The following PPP2R5E variants were observed in gnomAD, a reference collection of about 807,000 sequenced individuals.
PPP2R5E encodes the protein serine/threonine-protein phosphatase 2A 56 kDa regulatory subunit epsilon isoform.
PPP2R5E carries 4 observed loss-of-function variants against 65.3 expected under a neutral mutation model. The observed-to-expected ratio is 0.06, with a 90% confidence interval of 0.03 to 0.14. The LOEUF (loss-of-function observed/expected upper bound fraction) is 0.14. PPP2R5E is among the 10% of genes least tolerant of loss of function. The probability of loss-of-function intolerance (pLI) is 1.00; values close to 1 mark genes in which losing one functional copy is unlikely to be tolerated. For missense variants in PPP2R5E, 274 were observed against 556.1 expected (o/e 0.49, Z 5.10); for synonymous variants, 183 against 187.4 (o/e 0.98, Z 0.19).
At chr14:63,424,138 T>C (rs1887197445) in intron 3 of PPP2R5E, among the ~76,000 whole-genome samples, 1 of 152,190 alleles carries the variant, frequency 6.6e-6, no homozygotes, top group Non-Finnish European at 1.5e-5. Context: ...AAAAAGGTAG[T>C]GCTTTGCTGC....
chr14:63,382,790 A>T (rs1342904610), intron 12 of PPP2R5E, among the ~76,000 whole-genome samples: 2 of 152,226 alleles, frequency 1.3e-5, no homozygotes, highest in Non-Finnish European at 2.9e-5. Flanking sequence ...ATAGTAAAGC[A>T]ATTTCACCCT....
chr14:63,472,330 C>T (rs1195324729), intron 2 of PPP2R5E, among the ~76,000 whole-genome samples: 1 of 151,998 alleles, frequency 6.6e-6, no homozygotes, highest in Non-Finnish European at 1.5e-5. Context: ...GACCCCTTTA[C>T]ATTAGTGTTA....
At chr14:63,406,310 C>CG (rs1555357291) in intron 5 of PPP2R5E, among the ~76,000 whole-genome samples, 1 of 151,136 alleles carries the variant, frequency 6.6e-6, no homozygotes, top group Non-Finnish European at 1.5e-5. Flanking sequence ...ATTCAGGAGA[C>CG]TGAGACAGAA....
intron 3 of PPP2R5E, among the ~76,000 whole-genome samples, chr14:63,446,256 C>G (rs1171246937): frequency 1.3e-5 from 2 of 152,174 alleles, no homozygotes; most frequent in Non-Finnish European, 2.9e-5. Context: ...AGTCGAAGCT[C>G]TCAAGGTCAT....
chr14:63,407,974 C>T (rs1886183838), intron 5 of PPP2R5E, among the ~76,000 whole-genome samples: 1 of 152,142 alleles, frequency 6.6e-6, no homozygotes, highest in Non-Finnish European at 1.5e-5. Context: ...TATAAATTAC[C>T]CAGTCTGAGG....
Position 63,384,590 on chromosome 14 carries a change from A to G in PPP2R5E, c.1075-19T>C, listed in dbSNP as rs776158657. 2.1e-5 allele frequency: 34 copies of G among 1,587,866 alleles called. No homozygotes were observed. Among genetic ancestry groups the G allele is most frequent in the Non-Finnish European group, 2.4e-5 (28 of 1,165,662 alleles). On this transcript the variant is annotated intron_variant, in intron 11 of 13. Coordinates refer to ENST00000337537, the MANE Select transcript of PPP2R5E (RefSeq NM_006246.5). ...CTGCCACCTTTGGGAAAAGAAAAAT[A>G]AAATGTTAAGAGAGAGAAAAAGACA... is the stretch of plus-strand genomic sequence containing the variant.
Position 63,422,028 on chromosome 14 carries a change from C to A in PPP2R5E, c.421G>T (p.Glu141Ter). 1 of 1,613,696 alleles carries A rather than the reference C, an allele frequency of 6.2e-7. No individual in the cohort carries two copies. Among genetic ancestry groups the A allele is most frequent in the South Asian group, 1.1e-5 (1 of 91,070 alleles). The change falls in exon 4 of 14, where the codon GAA (glutamate) becomes TAA (stop). Residue 141 changes from glutamate to a stop codon, truncating the protein, a stop_gained. Coordinates refer to ENST00000337537, the MANE Select transcript of PPP2R5E (RefSeq NM_006246.5). LOFTEE classifies it high-confidence loss of function. ...DSNEFDPEEDEPTLEASWPHL... is the reference protein window; with the variant it reads ...DSNEFDPEED ...GGCCACGATGCCTCAAGGGTAGGTT[C>A]ATCTTCTTCTGGATCAAATTCATTG...
chr14:63,504,774 G>C (rs1242090771), intron 2 of PPP2R5E, among the ~76,000 whole-genome samples: 1 of 152,132 alleles, frequency 6.6e-6, no homozygotes, highest in Middle Eastern at 3.4e-3. Context: ...TTTACCCCCA[G>C]GGCATAGCAT....
chr14:63,495,663 CT>C (rs563684939), intron 2 of PPP2R5E, among the ~76,000 whole-genome samples: 4 of 150,452 alleles, frequency 2.7e-5, no homozygotes, highest in African/African-American at 4.9e-5. Flanking sequence ...AATTTCTTTT[CT>C]TTTTTTTTGG....
intron 3 of PPP2R5E, among the ~76,000 whole-genome samples, chr14:63,425,973 G>A (rs57045977): frequency 0.015 from 2,311 of 152,256 alleles, 59 homozygotes; most frequent in African/African-American, 0.053. Context: ...GCTACACACT[G>A]TCATTTCTTC....
intron 2 of PPP2R5E, among the ~76,000 whole-genome samples, chr14:63,517,258 G>A (rs1046993922): frequency 2.6e-5 from 4 of 152,108 alleles, no homozygotes; most frequent in African/African-American, 9.7e-5. Context: ...TAATGTAGGT[G>A]TAGTGCCCTA....
chr14:63,462,505 C>T (rs1889536974), intron 2 of PPP2R5E, among the ~76,000 whole-genome samples: 1 of 152,176 alleles, frequency 6.6e-6, no homozygotes, highest in Admixed American at 6.5e-5. Context: ...CATTCAAGCA[C>T]TTGCTACATT....
In PPP2R5E at chr14:63,426,699, C is replaced by CAAA. The variant is rs1191603099; in HGVS notation, c.355-4608_355-4606dup. ...GCCTCCAGGAGTGCCAAAGGCTTAT[C>CAAA]AAAAAAAAAAAAAAAAAAAAAAAAT... is the stretch of plus-strand genomic sequence containing the variant. On this transcript the variant is annotated intron_variant, in intron 3 of 13. Transcript: ENST00000337537. Among the ~76,000 whole-genome samples the CAAA allele has an allele frequency of 7.1e-4, 39 of 54,764 alleles. 1 individual carries two copies. The highest frequency in any genetic ancestry group is 1.3e-3 in the Non-Finnish European group (27 of 20,354). 35.9% of individuals were successfully genotyped at this position (54,764 alleles called of 152,430 possible).
Position 63,371,944 on chromosome 14 carries a change from G to GA in PPP2R5E, c.*4064dup, listed in dbSNP as rs1883711996. 6.6e-6 allele frequency: 1 copy of GA among 152,052 alleles called. No individual in the cohort carries two copies. The highest frequency in any genetic ancestry group is 1.9e-4 in the East Asian group (1 of 5,196). The allele number at this position is 152,052 out of a possible 1,614,324, so 9.4% of individuals were successfully genotyped here. ...TCAATCAAAAATCAGACAACAACCA[G>GA]AAAATGCATTGGTAATATTTATATT... On this transcript the variant is annotated 3_prime_UTR_variant, in exon 14 of 14. Coordinates refer to ENST00000337537, the MANE Select transcript of PPP2R5E (RefSeq NM_006246.5).
chr14:63,377,160 A>T (rs535554833), intron 13 of PPP2R5E, among the ~76,000 whole-genome samples: 31 of 125,748 alleles, frequency 2.5e-4, no homozygotes, highest in Admixed American at 7.0e-4. Context: ...AAAAAAAAAT[A>T]AAAAAAAAAA....
chr14:63,409,669 T>G (rs1049337817), intron 5 of PPP2R5E, among the ~76,000 whole-genome samples: 1 of 152,242 alleles, frequency 6.6e-6, no homozygotes, highest in Non-Finnish European at 1.5e-5. Context: ...GAGTGGTCAA[T>G]AATCTGCCCA....
chr14:63,514,701 A>G (rs1892596051), intron 2 of PPP2R5E, among the ~76,000 whole-genome samples: 1 of 152,322 alleles, frequency 6.6e-6, no homozygotes, highest in East Asian at 1.9e-4. Context: ...ACTATCCTAG[A>G]CAGCAAGAAT....
intron 2 of PPP2R5E, among the ~76,000 whole-genome samples, chr14:63,475,829 A>G (rs769915343): frequency 9.2e-5 from 14 of 152,310 alleles, no homozygotes; most frequent in South Asian, 2.1e-4. Flanking sequence ...AAAGAAGGAA[A>G]AAGTTTCCAT....
At position 63,372,209 on chromosome 14, in the gene PPP2R5E, CAAG is replaced by C; in HGVS notation, c.*3797_*3799del. On this transcript the variant is annotated 3_prime_UTR_variant, in exon 14 of 14. Coordinates refer to ENST00000337537, the MANE Select transcript of PPP2R5E (RefSeq NM_006246.5). ...GAGATACTACTGCTGCTATCGTGCACAAGAAGCAGCACAAATTAACATTCCGCT... is the reference window on the plus strand; with the variant it reads ...GAGATACTACTGCTGCTATCGTGCACAAGCAGCACAAATTAACATTCCGCT... 1 of 152,230 alleles carries C rather than the reference CAAG, an allele frequency of 6.6e-6. No individual in the cohort carries two copies. The highest frequency in any genetic ancestry group is 1.9e-4 in the East Asian group (1 of 5,182). The allele number at this position is 152,230 out of a possible 1,614,324, so 9.4% of individuals were successfully genotyped here.
Sources: allele counts gnomAD v4.1 joint callset (sites outside exome capture counted in the v4.1 genomes callset), GRCh38; gene constraint gnomAD v4.1.1; transcripts MANE v1.5; gene names NCBI Gene and HGNC (gene_info 2026-07-23, HGNC 2026-07-21).